SPG7: variants seen among roughly 807,000 people sequenced by gnomAD.
SPG7 encodes SPG7 matrix AAA peptidase subunit, paraplegin.
In SPG7, 103 loss-of-function variants were observed where a neutral mutation model predicts 81.9. The observed-to-expected ratio is 1.26, with a 90% confidence interval of 1.07 to 1.48. The LOEUF (loss-of-function observed/expected upper bound fraction) is 1.48. Ranked by LOEUF, SPG7 falls within the 40% of genes most tolerant of loss-of-function variation. The pLI is 0.00. For synonymous variants in SPG7, 534 were observed against 444.2 expected, an observed-to-expected ratio of 1.20 and a Z score of -2.54; for missense variants, 1,241 against 1,087.3, an observed-to-expected ratio of 1.14 and a Z score of -1.99.
At chr16:89,536,908 T>C (rs761363956) in intron 9 of SPG7, 3 of 1,614,150 alleles carry the variant, frequency 1.9e-6, no homozygotes, top group Non-Finnish European at 2.5e-6. Context: ...CCTTTTGCAC[T>C]GAAGATAGAG....
Position 89,529,590 on chromosome 16 carries a change from T to C in SPG7, c.861+11T>C, listed in dbSNP as rs765281793. ...GGATTCAGTGCTTTTGTAAGTTCTG[T>C]AAATCAGAGCTCTCTGAACTCTTTC... is the stretch of plus-strand genomic sequence containing the variant. On this transcript the variant is annotated intron_variant, in intron 6 of 16. Coordinates refer to ENST00000645818, the MANE Select transcript of SPG7 (RefSeq NM_003119.4). The C allele has an allele frequency of 5.1e-6, 8 of 1,577,798 alleles. No homozygotes were observed. The highest frequency in any genetic ancestry group is 6.1e-6 in the Non-Finnish European group (7 of 1,147,202).
intron 3 of SPG7, among the ~76,000 whole-genome samples, chr16:89,514,920 G>A (rs1257332600): frequency 1.4e-5 from 2 of 147,566 alleles, no homozygotes; most frequent in Non-Finnish European, 3.0e-5. Flanking sequence ...GTGAACCACC[G>A]TGCCTGGCCT....
At chr16:89,548,852 G>C (rs1031049560) in intron 12 of SPG7, 1 of 438,056 alleles carries the variant, frequency 2.3e-6, no homozygotes, top group African/African-American at 2.0e-5. Context: ...TTGAACGTTT[G>C]AAAAGGGAAG....
At chr16:89,523,301 CTT>C (rs2058215403) in intron 3 of SPG7, 1 of 234,932 alleles carries the variant, frequency 4.3e-6, no homozygotes, top group East Asian at 1.1e-4. Flanking sequence ...TAACCTACAA[CTT>C]TCTGTTAAAT....
rs759470940 is a variant in SPG7, at chr16:89,510,499, T to C, written c.193T>C (p.Leu65=). The C allele has an allele frequency of 4.0e-6, 6 of 1,516,830 alleles. No homozygotes were observed. Among genetic ancestry groups the C allele is most frequent in the Non-Finnish European group, 5.5e-6 (6 of 1,094,002 alleles). The allele number at this position is 1,516,830 out of a possible 1,614,324, so 94.0% of individuals were successfully genotyped here. A position where few individuals can be genotyped will look rare whatever the true frequency, so the allele number is the denominator to read the frequency against. ...AGGRALQSLQ[L]RLLTPTFEGI... ...TTTTTTTTTTTTTCAGAGCTTACAA[T>C]TGAGACTGCTAACCCCTACCTTTGA... The change falls in exon 2 of 17, where the codon TTG becomes CTG. Residue 65 remains leucine (L), a synonymous_variant. Coordinates refer to ENST00000645818, the MANE Select transcript of SPG7 (RefSeq NM_003119.4).
At chr16:89,528,414 A>G (rs1291926241) in intron 5 of SPG7, among the ~76,000 whole-genome samples, 2 of 150,160 alleles carry the variant, frequency 1.3e-5, no homozygotes, top group Non-Finnish European at 3.0e-5. Flanking sequence ...AAAAAAAAGA[A>G]GAAGATGGAG....
At chr16:89,516,406 G>A (rs1198521647) in intron 3 of SPG7, among the ~76,000 whole-genome samples, 1 of 151,924 alleles carries the variant, frequency 6.6e-6, no homozygotes, top group East Asian at 1.9e-4. Context: ...AAAAAAATTA[G>A]CCAGGTGTGG....
chr16:89,536,679 G>A (rs895987693), intron 9 of SPG7: 58 of 1,537,428 alleles, frequency 3.8e-5, no homozygotes, highest in Admixed American at 6.7e-5. Context: ...GAGATCGGGC[G>A]AGGCGGGCGG....
At position 89,529,543 on chromosome 16, in the gene SPG7, C is replaced by T. The variant is rs745444790; in HGVS notation, c.825C>T (p.Ala275=). ...LAILWYVFRL[A]GMTGREGGFS... is the part of the protein sequence containing the mutation. ...TCCTGTGGTATGTTTTCCGTCTGGC[C>T]GGGATGACTGGAAGGGAAGGTGGAT... Residue 275 remains alanine (A), a synonymous_variant, in exon 6 of 17, where the codon GCC becomes GCT. Transcript: ENST00000645818. 1.3e-5 allele frequency: 21 copies of T among 1,613,772 alleles called. No homozygotes were observed. The highest frequency in any genetic ancestry group is 7.7e-5 in the South Asian group (7 of 91,050).
chr16:89,557,017 AGGACTT>A lies in SPG7; in HGVS notation c.2315_2320del (p.Asp772_Leu773del). On this transcript the variant is annotated inframe_deletion, in exon 17 of 17. Transcript: ENST00000645818. ...TGGATCGACGCCCAGAGGGAGAAAC[AGGACTT>A]GGGCGAGGAGGAGACCGAAGAGACC... The A allele has an allele frequency of 6.2e-7, 1 of 1,613,598 alleles. No homozygotes were observed. Among genetic ancestry groups the A allele is most frequent in the Non-Finnish European group, 8.5e-7 (1 of 1,180,026 alleles).
In SPG7 at chr16:89,531,332, G is replaced by A. The variant is rs188397257; in HGVS notation, c.987+524G>A. The A allele has an allele frequency of 3.1e-4, 67 of 219,636 alleles. No individual in the cohort carries two copies. In the East Asian group the frequency reaches 6.9e-3, roughly 23 times the overall value. The allele number at this position is 219,636 out of a possible 1,614,324, so 13.6% of individuals were successfully genotyped here. On this transcript the variant is annotated intron_variant, in intron 7 of 16. Coordinates refer to ENST00000645818, the MANE Select transcript of SPG7 (RefSeq NM_003119.4). ...GAGCCCAGGAGTAGGAGATCAGCCT[G>A]GGCAACAGTGAGACCCTGTCTCTGC...
intron 12 of SPG7, chr16:89,548,809 G>A: frequency 2.6e-6 from 1 of 389,994 alleles, no homozygotes; most frequent in East Asian, 7.3e-5. Flanking sequence ...TCATGGAATG[G>A]AGTTCAGACC....
intron 9 of SPG7, 63 bp downstream of exon 9, chr16:89,532,699 A>T (rs1298209878): frequency 3.1e-6 from 5 of 1,599,236 alleles, no homozygotes; most frequent in Non-Finnish European, 4.3e-6. Flanking sequence ...GATGTCTTTC[A>T]GAACAGGTTG....
intron 12 of SPG7, chr16:89,548,572 G>A (rs1283203050): frequency 3.1e-6 from 1 of 317,954 alleles, no homozygotes; most frequent in Non-Finnish European, 6.1e-6. Context: ...GAGAGGTGTG[G>A]ATCTGCAGCA....
intron 3 of SPG7, chr16:89,522,340 G>GGCTTTGATCCCAGCATGAA (rs1165735939): frequency 1.3e-5 from 2 of 152,414 alleles, no homozygotes; most frequent in South Asian, 2.1e-4. Flanking sequence ...GCCCAGGCCA[G>GGCTTTGATCCCAGCATGAA]GCTTTGATCC....
chr16:89,549,028 G>C (rs548572125), intron 12 of SPG7: 1 of 456,326 alleles, frequency 2.2e-6, no homozygotes, highest in East Asian at 6.9e-5. Flanking sequence ...GCAGAGGAGT[G>C]GGGCAGCTGC....
intron 4 of SPG7, among the ~76,000 whole-genome samples, chr16:89,525,619 C>T (rs1567907777): frequency 1.3e-5 from 2 of 152,134 alleles, no homozygotes; most frequent in South Asian, 2.1e-4. Flanking sequence ...GCCGTCCAGT[C>T]ATGCTGAAAT....
chr16:89,514,839 A>G (rs751799531), intron 3 of SPG7, among the ~76,000 whole-genome samples: 1 of 151,782 alleles, frequency 6.6e-6, no homozygotes, highest in Non-Finnish European at 1.5e-5. Context: ...CTTGTTGGCC[A>G]GGCTGGTCTC....
intron 9 of SPG7, chr16:89,538,986 C>T (rs1323254846): frequency 6.8e-6 from 1 of 147,380 alleles, no homozygotes; most frequent in Non-Finnish European, 1.5e-5. Context: ...GAAACCCAGG[C>T]AGGAGCTAAG....
Sources: gnomAD v4.1 joint callset for allele counts (sites outside exome capture counted in the v4.1 genomes callset) on GRCh38, gnomAD v4.1.1 for gene constraint, MANE v1.5 for transcripts, NCBI Gene and HGNC (gene_info 2026-07-23, HGNC 2026-07-21) for gene names.